AVL9: variants seen among roughly 807,000 people sequenced by gnomAD.
AVL9 encodes the protein AVL9 cell migration associated.
Under a neutral mutation model 79.2 loss-of-function variants are expected in AVL9, and 49 were observed. That is an observed-to-expected ratio of 0.62 (90% CI 0.49 to 0.79). The LOEUF is 0.79. AVL9 is among the 30% of genes least tolerant of loss of function. The probability of loss-of-function intolerance (pLI) is 0.00; values close to 1 mark genes in which losing one functional copy is unlikely to be tolerated. For missense variants in AVL9, 682 were observed against 776.8 expected, an observed-to-expected ratio of 0.88 and a Z score of 1.45; for synonymous variants, 299 against 280.6, an observed-to-expected ratio of 1.07 and a Z score of -0.65.
At chr7:32,529,062 C>T (rs1473443152) in intron 1 of AVL9, among the ~76,000 whole-genome samples, 8 of 152,030 alleles carry the variant, frequency 5.3e-5, no homozygotes, top group South Asian at 2.1e-4. Flanking sequence ...GTTGTGTGCC[C>T]GATATCATTT....
chr7:32,579,336 TAA>T (rs1299212060), intron 13 of AVL9, among the ~76,000 whole-genome samples: 327 of 25,232 alleles, frequency 0.013, 2 homozygotes, highest in African/African-American at 0.034. Flanking sequence ...ATAATATATA[TAA>T]CACATATTTT....
At position 32,545,309 on chromosome 7, in the gene AVL9, G is replaced by A. The variant is rs369529170; in HGVS notation, c.300+530G>A. Among the ~76,000 whole-genome samples, 110 of 147,350 alleles carry A rather than the reference G, an allele frequency of 7.5e-4. 1 individual carries two copies. The highest frequency in any genetic ancestry group is 3.5e-3 in the Middle Eastern group (1 of 282). Reference sequence around the variant, plus strand: ...AGCAGCATTTCAGAAGTAGTGGAACGTGCTTAGAGGGGCTCCCAACTACTC... The same window carrying A: ...AGCAGCATTTCAGAAGTAGTGGAACATGCTTAGAGGGGCTCCCAACTACTC... On this transcript the variant is annotated intron_variant, in intron 3 of 15. Transcript: ENST00000318709.
intron 1 of AVL9, among the ~76,000 whole-genome samples, chr7:32,513,990 A>G (rs1319750423): frequency 6.6e-6 from 1 of 152,230 alleles, no homozygotes; most frequent in Non-Finnish European, 1.5e-5. Context: ...ACAGAGCAGT[A>G]TTGCCACCAT....
intron 8 of AVL9, among the ~76,000 whole-genome samples, chr7:32,558,332 T>C (rs1790174654): frequency 6.6e-6 from 1 of 151,512 alleles, no homozygotes; most frequent in Admixed American, 6.6e-5. Flanking sequence ...TAAGTTTTTG[T>C]ATTTTAGTAG....
At chr7:32,514,977 G>T (rs1432191316) in intron 1 of AVL9, among the ~76,000 whole-genome samples, 1 of 152,196 alleles carries the variant, frequency 6.6e-6, no homozygotes, top group Non-Finnish European at 1.5e-5. Flanking sequence ...TGGGACAAGA[G>T]TTACAGATTA....
intron 1 of AVL9, 69 bp downstream of exon 1, chr7:32,495,871 G>A: frequency 9.9e-7 from 1 of 1,010,710 alleles, no homozygotes; most frequent in South Asian, 4.7e-5. Context: ...CCCCTGCCCT[G>A]CTTCTGTGTG....
intron 1 of AVL9, among the ~76,000 whole-genome samples, chr7:32,503,952 G>A (rs1456595545): frequency 6.6e-6 from 1 of 152,136 alleles, no homozygotes; most frequent in Admixed American, 6.5e-5. Context: ...CAAAGTGCTG[G>A]GATTACAGGC....
chr7:32,579,565 TA>T lies in AVL9; in HGVS notation c.1689-653del, dbSNP rs1791383622. ...ATATTATATATTATATATTATATTA[TA>T]TATTATATTATATATTATATATTAT... is the stretch of plus-strand genomic sequence containing the variant. On this transcript the variant is annotated intron_variant, in intron 13 of 15. Coordinates refer to ENST00000318709, the MANE Select transcript of AVL9 (RefSeq NM_015060.3). Among the ~76,000 whole-genome samples the T allele has an allele frequency of 4.3e-4, 4 of 9,402 alleles. 2 individuals carry two copies. Among genetic ancestry groups the T allele is most frequent in the Non-Finnish European group, 6.6e-4 (4 of 6,050 alleles). 6.2% of individuals were successfully genotyped at this position (9,402 alleles called of 152,430 possible). A position where few individuals can be genotyped will look rare whatever the true frequency, so the allele number is the denominator to read the frequency against.
intron 12 of AVL9, among the ~76,000 whole-genome samples, chr7:32,574,023 T>C (rs1313993552): frequency 2.6e-5 from 4 of 152,194 alleles, no homozygotes. Context: ...AAAATGGAGC[T>C]CTGCAGTGAG....
At position 32,565,779 on chromosome 7, in the gene AVL9, G is replaced by A. The variant is rs139881384; in HGVS notation, c.1216-4241G>A. ...TCCCAGCACTTTGGGAGGCCGAGGCGGGCACATCATCTGAGGTCAAGAGAT... is the reference window on the plus strand; with the variant it reads ...TCCCAGCACTTTGGGAGGCCGAGGCAGGCACATCATCTGAGGTCAAGAGAT... On this transcript the variant is annotated intron_variant, in intron 10 of 15. Transcript: ENST00000318709. Among the ~76,000 whole-genome samples the A allele has an allele frequency of 5.2e-3, 793 of 151,886 alleles. 4 individuals are homozygous for A. The highest frequency in any genetic ancestry group is 9.3e-3 in the Non-Finnish European group (631 of 67,914).
intron 1 of AVL9, among the ~76,000 whole-genome samples, chr7:32,504,610 A>G (rs1787326257): frequency 6.6e-6 from 1 of 152,214 alleles, no homozygotes; most frequent in Non-Finnish European, 1.5e-5. Flanking sequence ...TGAGAGTTTT[A>G]AAGTAGGTGA....
At chr7:32,583,110 A>G (rs1791589137) in intron 15 of AVL9, among the ~76,000 whole-genome samples, 1 of 152,180 alleles carries the variant, frequency 6.6e-6, no homozygotes. Context: ...CAACAGTCTA[A>G]CCACTCTTCC....
chr7:32,498,461 G>A (rs758144519), intron 1 of AVL9, among the ~76,000 whole-genome samples: 1 of 151,910 alleles, frequency 6.6e-6, no homozygotes, highest in Non-Finnish European at 1.5e-5. Flanking sequence ...TGTTGGTCAG[G>A]CTGGTCTAGA....
rs1351865210 is a variant in AVL9 at position 32,579,532 on chromosome 7, T to A, written c.1689-687T>A. 1.7e-3 allele frequency among the ~76,000 whole-genome samples: 6 copies of A among 3,572 alleles called. 2 individuals are homozygous for A. The highest frequency in any genetic ancestry group is 7.0e-3 in the African/African-American group (6 of 862). The allele number at this position is 3,572 out of a possible 152,430, so 2.3% of individuals were successfully genotyped here. On this transcript the variant is annotated intron_variant, in intron 13 of 15. Coordinates refer to ENST00000318709, the MANE Select transcript of AVL9 (RefSeq NM_015060.3). ...ATATATTATATTATATATTATATAT[T>A]ATATTATATATTATATATTATATAT... is the stretch of plus-strand genomic sequence containing the variant.
intron 1 of AVL9, among the ~76,000 whole-genome samples, chr7:32,531,188 C>T (rs1194476409): frequency 2.0e-5 from 3 of 152,082 alleles, no homozygotes; most frequent in African/African-American, 7.2e-5. Flanking sequence ...TAGGGTGTAA[C>T]GCATTTTTTG....
intron 12 of AVL9, among the ~76,000 whole-genome samples, chr7:32,575,558 A>T (rs1348959591): frequency 1.3e-5 from 2 of 152,172 alleles, no homozygotes; most frequent in Admixed American, 6.5e-5. Context: ...AAGTAGAAAG[A>T]TATCCCAATT....
chr7:32,575,404 T>A (rs1791046784), intron 12 of AVL9, among the ~76,000 whole-genome samples: 2 of 152,140 alleles, frequency 1.3e-5, no homozygotes, highest in Admixed American at 1.3e-4. Context: ...TGGCCTTTTT[T>A]AAGTGTTTTT....
intron 12 of AVL9, among the ~76,000 whole-genome samples, chr7:32,573,801 A>G (rs1790966210): frequency 6.6e-6 from 1 of 152,216 alleles, no homozygotes; most frequent in African/African-American, 2.4e-5. Context: ...GAATACTGCC[A>G]CATGTTTTTT....
intron 12 of AVL9, among the ~76,000 whole-genome samples, chr7:32,573,795 A>G (rs1042594425): frequency 5.3e-5 from 8 of 152,232 alleles, no homozygotes; most frequent in Non-Finnish European, 2.9e-5. Flanking sequence ...GTTTGTGAAT[A>G]CTGCCACATG....
Sources: gnomAD v4.1 joint callset for allele counts (sites outside exome capture counted in the v4.1 genomes callset) on GRCh38, gnomAD v4.1.1 for gene constraint, MANE v1.5 for transcripts, NCBI Gene and HGNC (gene_info 2026-07-23, HGNC 2026-07-21) for gene names.